ZNF383: variants seen among roughly 807,000 people sequenced by gnomAD.
The protein encoded by ZNF383 is zinc finger protein 383.
A neutral mutation model predicts 44.2 loss-of-function variants in ZNF383; 32 were observed. The ratio of observed to expected loss-of-function variants is 0.72; its 90% CI spans 0.55 to 0.97. The LOEUF (loss-of-function observed/expected upper bound fraction) is 0.97, where lower values mean the gene tolerates loss of function less well. Among genes scored for constraint, ZNF383 ranks in the 50% least tolerant of loss-of-function variants. The pLI is 0.00. For synonymous variants in ZNF383, 155 were observed against 186.2 expected, an observed-to-expected ratio of 0.83 and a Z score of 1.36; for missense variants, 487 against 562.5, an observed-to-expected ratio of 0.87 and a Z score of 1.36.
chr19:37,227,692 G>A (rs1017262210), intron 2 of ZNF383: 171 of 152,580 alleles, frequency 1.1e-3, no homozygotes, highest in African/African-American at 3.9e-3. Flanking sequence ...GTTATTTATT[G>A]TGTATAAGGC....
chr19:37,229,300 A>G (rs1171727434), intron 2 of ZNF383, among the ~76,000 whole-genome samples: 2 of 150,098 alleles, frequency 1.3e-5, no homozygotes, highest in African/African-American at 4.9e-5. Flanking sequence ...GATTACGGGC[A>G]TGTGTCACCA....
intron 3 of ZNF383, among the ~76,000 whole-genome samples, chr19:37,232,952 T>C (rs1278990115): frequency 6.6e-6 from 1 of 152,024 alleles, no homozygotes; most frequent in Non-Finnish European, 1.5e-5. Context: ...TGTATTATAT[T>C]CTCTTATTTT....
Position 37,247,671 on chromosome 19 carries a change from A to AG in ZNF383, c.*4008dup, listed in dbSNP as rs928357394. ...GAGATCCCCCTCCCCTCATCTCTAC[A>AG]GAAAAAAAAAAAAATTAAAACAACA... On this transcript the variant is annotated 3_prime_UTR_variant, in exon 6 of 6. Coordinates refer to ENST00000684119, the MANE Select transcript of ZNF383 (RefSeq NM_001387601.1). The AG allele has an allele frequency of 3.3e-5, 5 of 150,562 alleles. No individual in the cohort carries two copies. Among genetic ancestry groups the AG allele is most frequent in the African/African-American group, 1.2e-4 (5 of 40,306 alleles). 9.3% of individuals were successfully genotyped at this position (150,562 alleles called of 1,614,324 possible).
rs1974306613 is a variant in ZNF383 at position 37,244,977 on chromosome 19, C to G, written c.*1313C>G. ...AAAATGACTATTCCCATTATGGTTGCCACTAAATTTTTGCAGCTATAAAAG... is the reference window on the plus strand; with the variant it reads ...AAAATGACTATTCCCATTATGGTTGGCACTAAATTTTTGCAGCTATAAAAG... On this transcript the variant is annotated 3_prime_UTR_variant, in exon 6 of 6. Transcript: ENST00000684119. The G allele has an allele frequency of 6.6e-6, 1 of 152,048 alleles. No homozygotes were observed. The allele number at this position is 152,048 out of a possible 1,614,324, so 9.4% of individuals were successfully genotyped here.
rs968660997 is a variant in ZNF383 at position 37,242,650 on chromosome 19, T to C, written c.414T>C (p.Phe138=). ...AACTGGGATATCCAAATGGGCATTT[T>C]AGTCAAGAAATATTCACTCCTGAAT... The part of the protein sequence containing the change: ...AKQLGYPNGH[F]SQEIFTPEYM... Residue 138 remains phenylalanine, a synonymous_variant, in exon 6 of 6, where the codon TTT becomes TTC. Transcript: ENST00000684119. 3 of 1,614,002 alleles carry C rather than the reference T, an allele frequency of 1.9e-6. No individual in the cohort carries two copies. The highest frequency in any genetic ancestry group is 2.5e-6 in the Non-Finnish European group (3 of 1,180,004).
chr19:37,243,342 AG>A lies in ZNF383; in HGVS notation c.1108del (p.Glu370AsnfsTer72). The A allele has an allele frequency of 6.2e-7, 1 of 1,614,202 alleles. No individual in the cohort carries two copies. Among genetic ancestry groups the A allele is most frequent in the Non-Finnish European group, 8.5e-7 (1 of 1,180,040 alleles). On this transcript the variant is annotated frameshift_variant, in exon 6 of 6. Coordinates refer to ENST00000684119, the MANE Select transcript of ZNF383 (RefSeq NM_001387601.1). LOFTEE classifies it high-confidence loss of function. ...IHTGEKPYDC[K>X]ECGKAFTQSS... Reference sequence around the variant, plus strand: ...ACTGGTGAGAAACCCTATGATTGTAAGGAATGTGGAAAGGCTTTTACTCAGA... The same window carrying A: ...ACTGGTGAGAAACCCTATGATTGTAAGAATGTGGAAAGGCTTTTACTCAGA...
intron 2 of ZNF383, among the ~76,000 whole-genome samples, chr19:37,228,079 C>A (rs556872353): frequency 6.6e-6 from 1 of 152,056 alleles, no homozygotes; most frequent in East Asian, 1.9e-4. Context: ...TTTTTAACTC[C>A]CCCAGGGAAA....
At position 37,240,989 on chromosome 19, in the gene ZNF383, T is replaced by C. The variant is rs955620094; in HGVS notation, c.233-1480T>C. Among the ~76,000 whole-genome samples, 3 of 152,230 alleles carry C rather than the reference T, an allele frequency of 2.0e-5. No homozygotes were observed. In the South Asian group the frequency reaches 6.2e-4, roughly 32 times the overall value. Reference sequence around the variant, plus strand: ...GCCTGGCTAATTTTTGTATTTTTAGTAGAGACAGGGTTTCACCATGCTGGC... The same window carrying C: ...GCCTGGCTAATTTTTGTATTTTTAGCAGAGACAGGGTTTCACCATGCTGGC... On this transcript the variant is annotated intron_variant, in intron 5 of 5. Transcript: ENST00000684119.
At chr19:37,232,225 C>T (rs1490539220) in intron 3 of ZNF383, among the ~76,000 whole-genome samples, 1 of 152,012 alleles carries the variant, frequency 6.6e-6, no homozygotes, top group Non-Finnish European at 1.5e-5. Flanking sequence ...CAGGCCCCTG[C>T]CACCACGCCT....
In ZNF383 at chr19:37,233,070, C is replaced by T. The variant is rs148918419; in HGVS notation, c.10-2479C>T. Reference sequence around the variant, plus strand: ...TAGTCACACTTGCATACAGTCCCCTCTTACAGCATTCTACAGTTTGGGATT... The same window carrying T: ...TAGTCACACTTGCATACAGTCCCCTTTTACAGCATTCTACAGTTTGGGATT... On this transcript the variant is annotated intron_variant, in intron 3 of 5. Coordinates refer to ENST00000684119, the MANE Select transcript of ZNF383 (RefSeq NM_001387601.1). Among the ~76,000 whole-genome samples the T allele has an allele frequency of 5.1e-3, 775 of 152,180 alleles. 41 individuals carry two copies. Among genetic ancestry groups the T allele is most frequent in the Admixed American group, 0.047 (718 of 15,272 alleles).
rs1974247863 is a variant in ZNF383 at position 37,243,597 on chromosome 19, A to G, written c.1361A>G (p.Glu454Gly). The G allele has an allele frequency of 6.2e-7, 1 of 1,609,452 alleles. No homozygotes were observed. The highest frequency in any genetic ancestry group is 2.2e-5 in the East Asian group (1 of 44,798). ...HTGEKPYNCK[E>G]CGKAFSSGSD... Reference sequence around the variant, plus strand: ...GGTGAAAAGCCCTATAACTGTAAGGAATGTGGGAAGGCTTTTAGTAGTGGC... The same window carrying G: ...GGTGAAAAGCCCTATAACTGTAAGGGATGTGGGAAGGCTTTTAGTAGTGGC... The change falls in exon 6 of 6, where the codon GAA (glutamate) becomes GGA (glycine). Residue 454 changes from glutamate (E) to glycine (G), a missense_variant. Transcript: ENST00000684119.
intron 3 of ZNF383, among the ~76,000 whole-genome samples, chr19:37,231,173 G>A (rs965139901): frequency 6.6e-6 from 1 of 152,176 alleles, no homozygotes; most frequent in Non-Finnish European, 1.5e-5. Flanking sequence ...AACCTTTTAA[G>A]TCTTATCCAG....
In ZNF383 at chr19:37,236,658, C is replaced by T. The variant is rs534052698; in HGVS notation, c.232+584C>T. 2.6e-4 allele frequency among the ~76,000 whole-genome samples: 40 copies of T among 151,902 alleles called. 1 individual carries two copies. The highest frequency in any genetic ancestry group is 5.3e-4 in the Non-Finnish European group (36 of 67,992). On this transcript the variant is annotated intron_variant, in intron 5 of 5. Transcript: ENST00000684119. ...GATCTTGGTTCACTGCAACCTCTGC[C>T]TCCCGGGTTCAGGCGATTCTTCTGC... is the stretch of plus-strand genomic sequence containing the variant.
intron 1 of ZNF383, among the ~76,000 whole-genome samples, chr19:37,224,574 C>T (rs534935920): frequency 2.4e-4 from 37 of 151,936 alleles, no homozygotes; most frequent in African/African-American, 4.8e-4. Context: ...TTTTGAGAGA[C>T]GGGCCTCTCA....
At chr19:37,237,864 ATTTT>A (rs776649087) in intron 5 of ZNF383, among the ~76,000 whole-genome samples, 1 of 139,904 alleles carries the variant, frequency 7.1e-6, no homozygotes, top group Admixed American at 7.3e-5. Flanking sequence ...CGTTTTTGGA[ATTTT>A]TTTTTTTTTT....
intron 1 of ZNF383, among the ~76,000 whole-genome samples, chr19:37,221,756 G>C (rs1972926047): frequency 6.7e-6 from 1 of 149,906 alleles, no homozygotes; most frequent in East Asian, 2.0e-4. Flanking sequence ...AGACCATCTG[G>C]CTACGGTGAA....
At chr19:37,240,362 C>T (rs1051195399) in intron 5 of ZNF383, among the ~76,000 whole-genome samples, 1 of 152,122 alleles carries the variant, frequency 6.6e-6, no homozygotes, top group South Asian at 2.1e-4. Flanking sequence ...CATGTATATA[C>T]ATTTTCCTGT....
In ZNF383 at chr19:37,242,989, GA is replaced by G. The variant is rs1466245767; in HGVS notation, c.756del (p.Lys252AsnfsTer190). On this transcript the variant is annotated frameshift_variant, in exon 6 of 6. Coordinates refer to ENST00000684119, the MANE Select transcript of ZNF383 (RefSeq NM_001387601.1). LOFTEE classifies it high-confidence loss of function. ...SQHQRIHTGK[K>X]PYECKECGKA... ...AACATCAGAGAATCCATACCGGTAA[GA>G]AACCCTATGAATGTAAGGAATGTGG... The G allele has an allele frequency of 1.2e-6, 2 of 1,613,918 alleles. No individual in the cohort carries two copies. Among genetic ancestry groups the G allele is most frequent in the Admixed American group, 3.3e-5 (2 of 60,010 alleles).
intron 3 of ZNF383, among the ~76,000 whole-genome samples, chr19:37,232,156 A>G (rs942138208): frequency 6.6e-6 from 1 of 151,580 alleles, no homozygotes; most frequent in Non-Finnish European, 1.5e-5. Flanking sequence ...GCTCACTGCA[A>G]CCTCCGCCTC....
Sources: gnomAD v4.1 joint callset for allele counts (sites outside exome capture counted in the v4.1 genomes callset) on GRCh38, gnomAD v4.1.1 for gene constraint, MANE v1.5 for transcripts, NCBI Gene and HGNC (gene_info 2026-07-23, HGNC 2026-07-21) for gene names.